PON2: variants seen among roughly 807,000 people sequenced by gnomAD.
The protein encoded by PON2 is paraoxonase 2, also known as serum paraoxonase/arylesterase 2.
A neutral mutation model predicts 36.6 loss-of-function variants in PON2; 27 were observed. That is an observed-to-expected ratio of 0.74 (90% confidence interval 0.54 to 1.02). PON2 has a LOEUF of 1.02. Ranked by LOEUF, PON2 falls within the 50% of genes least tolerant of loss-of-function variation. The pLI is 0.00. For missense variants in PON2, 363 were observed against 421.1 expected, an observed-to-expected ratio of 0.86 and a Z score of 1.21; for synonymous variants, 149 against 156.3, an observed-to-expected ratio of 0.95 and a Z score of 0.35.
intron 2 of PON2, among the ~76,000 whole-genome samples, chr7:95,417,987 T>TA (rs1789109930): frequency 6.6e-6 from 1 of 152,094 alleles, no homozygotes; most frequent in Non-Finnish European, 1.5e-5. Flanking sequence ...AAATCTTTTT[T>TA]TAAAAAAATA....
rs766291307 is a variant in PON2 at position 95,405,416 on chromosome 7, G to A, written c.979C>T (p.Leu327Phe). 1.9e-6 allele frequency: 3 copies of A among 1,613,580 alleles called. No individual in the cohort carries two copies. The highest frequency in any genetic ancestry group is 2.5e-6 in the Non-Finnish European group (3 of 1,179,646). The change falls in exon 9 of 9, where the codon CTC becomes TTC. Residue 327 changes from leucine to phenylalanine, a missense_variant. Physicochemically the swap from Leu to Phe is conservative, Grantham distance 22 (BLOSUM62 0). Coordinates refer to ENST00000222572, the MANE Select transcript of PON2 (RefSeq NM_000305.3). The stretch of plus-strand genomic sequence containing the variant: ...ACTGAGGCTACAGAACTTCCTTGGA[G>A]AACAGACCCATTGTTGGCATAAACT... Reference protein sequence around the residue: ...TTVYANNGSVLQGSSVASVYD... With the variant: ...TTVYANNGSVFQGSSVASVYD...
chr7:95,416,542 C>T (rs1789067268), intron 2 of PON2: 2 of 536,418 alleles, frequency 3.7e-6, no homozygotes, highest in Non-Finnish European at 6.7e-6. Context: ...CACCACATTT[C>T]CAGCTATAAT....
chr7:95,405,888 T>G (rs926341914), intron 8 of PON2, among the ~76,000 whole-genome samples: 2 of 152,238 alleles, frequency 1.3e-5, no homozygotes, highest in Non-Finnish European at 2.9e-5. Context: ...AAAATGCCTT[T>G]TGACTAGTTT....
chr7:95,410,457 C>T (rs1434894509), intron 5 of PON2, among the ~76,000 whole-genome samples: 1 of 152,140 alleles, frequency 6.6e-6, no homozygotes, highest in Non-Finnish European at 1.5e-5. Context: ...TGGAGAGAGC[C>T]TGATTGGCTG....
intron 2 of PON2, among the ~76,000 whole-genome samples, chr7:95,423,442 G>C (rs1416128611): frequency 6.6e-6 from 1 of 151,974 alleles, no homozygotes; most frequent in Non-Finnish European, 1.5e-5. Flanking sequence ...GATGATAAAG[G>C]GTAAAAGACA....
At chr7:95,406,009 T>C in intron 8 of PON2, 110 bp downstream of exon 8, 4 of 1,282,834 alleles carry the variant, frequency 3.1e-6, no homozygotes, top group Non-Finnish European at 4.4e-6. Context: ...ATAAGCTTAT[T>C]ATATTATTGC....
intron 7 of PON2, among the ~76,000 whole-genome samples, chr7:95,406,633 T>G (rs950440660): frequency 1.3e-5 from 2 of 152,212 alleles, no homozygotes; most frequent in African/African-American, 4.8e-5. Flanking sequence ...AATTTCTACC[T>G]TCATGTATTA....
At chr7:95,429,649 C>T (rs568668679) in intron 1 of PON2, among the ~76,000 whole-genome samples, 1 of 152,242 alleles carries the variant, frequency 6.6e-6, no homozygotes, top group East Asian at 1.9e-4. Flanking sequence ...GCCAATATGC[C>T]CCTAAGCAAA....
intron 3 of PON2, chr7:95,416,003 A>C: frequency 3.0e-6 from 2 of 660,538 alleles, no homozygotes; most frequent in South Asian, 2.2e-5. Flanking sequence ...CACAGATTGC[A>C]TTGGAATATT....
chr7:95,434,182 C>A (rs1002618199), intron 1 of PON2: 1 of 152,172 alleles, frequency 6.6e-6, no homozygotes, highest in African/African-American at 2.4e-5. Context: ...TACAGCAAGA[C>A]CCCATCTCTA....
chr7:95,430,661 G>A (rs781782503), intron 1 of PON2, among the ~76,000 whole-genome samples: 51 of 152,116 alleles, frequency 3.4e-4, no homozygotes, highest in Non-Finnish European at 5.0e-4. Context: ...TTAGGAGGCT[G>A]AGGTGGGAGG....
rs779984324 is a variant in PON2 at position 95,407,023 on chromosome 7, C to T, written c.741G>A (p.Leu247=). 1 of 1,594,100 alleles carries T rather than the reference C, an allele frequency of 6.3e-7. No homozygotes were observed. The highest frequency in any genetic ancestry group is 8.6e-7 in the Non-Finnish European group (1 of 1,162,852). ...TTAAATTCATATTAGTGTGTTTTTC[C>T]AAAACATGAATTTCATGAGCCAATA... The part of the protein sequence containing the change: ...ADILAHEIHV[L]EKHTNMNLTQ... The change falls in exon 7 of 9, where the codon TTG becomes TTA. Residue 247 remains leucine (L), a synonymous_variant. Transcript: ENST00000222572.
rs548148926 is a variant in PON2 at position 95,431,630 on chromosome 7, G to C, written c.74+3248C>G. 5.3e-5 allele frequency among the ~76,000 whole-genome samples: 8 copies of C among 152,022 alleles called. 1 individual carries two copies. The East Asian group carries it at 1.6e-3, about 30-fold the overall frequency. ...AGACGGGGTTTCACCATGTTGGCCA[G>C]GCTGGTCTTGAACCCCTGACCTCTA... On this transcript the variant is annotated intron_variant, in intron 1 of 8. Coordinates refer to ENST00000222572, the MANE Select transcript of PON2 (RefSeq NM_000305.3).
intron 2 of PON2, chr7:95,416,537 C>T: frequency 1.8e-6 from 1 of 544,986 alleles, no homozygotes; most frequent in Non-Finnish European, 3.3e-6. Context: ...GTTATCACCA[C>T]ATTTCCAGCT....
At chr7:95,427,524 G>T (rs1277319683) in intron 1 of PON2, among the ~76,000 whole-genome samples, 1 of 152,176 alleles carries the variant, frequency 6.6e-6, no homozygotes, top group Non-Finnish European at 1.5e-5. Context: ...CTTTCTTCAT[G>T]ATTTGAACAC....
intron 1 of PON2, among the ~76,000 whole-genome samples, chr7:95,429,433 T>C (rs944792579): frequency 2.0e-5 from 3 of 152,224 alleles, no homozygotes; most frequent in Non-Finnish European, 2.9e-5. Context: ...CAGTCTATCA[T>C]TGACGGACAT....
chr7:95,410,233 CACG>C (rs1245832609), intron 5 of PON2, 132 bp from the exon 6 acceptor site: 3 of 753,068 alleles, frequency 4.0e-6, no homozygotes, highest in Non-Finnish European at 6.8e-6. Context: ...AGCTAAAAAT[CACG>C]ACTATAGTCA....
Position 95,409,985 on chromosome 7 carries a change from A to T in PON2, c.611T>A (p.Val204Asp). Residue 204 changes from valine to aspartate, a missense_variant, in exon 6 of 9, where the codon GTT becomes GAT. Physicochemically the swap from Val to Asp is radical, Grantham distance 152. Transcript: ENST00000222572. ...AACTTCATTTGGACTGTAGTAAACAACATTTGCCCAGTGTAAGTTCAAGTA... is the reference window on the plus strand; with the variant it reads ...AACTTCATTTGGACTGTAGTAAACATCATTTGCCCAGTGTAAGTTCAAGTA... ...ETYLNLHWAN[V>D]VYYSPNEVKV... 1.2e-6 allele frequency: 2 copies of T among 1,613,864 alleles called. No individual in the cohort carries two copies. The highest frequency in any genetic ancestry group is 1.7e-6 in the Non-Finnish European group (2 of 1,179,864).
At chr7:95,427,598 C>G (rs1789345200) in intron 1 of PON2, among the ~76,000 whole-genome samples, 1 of 152,074 alleles carries the variant, frequency 6.6e-6, no homozygotes, top group African/African-American at 2.4e-5. Flanking sequence ...GCTATAAAGT[C>G]AATAGGGGGA....
Sources: gnomAD v4.1 joint callset for allele counts (sites outside exome capture counted in the v4.1 genomes callset) on GRCh38, gnomAD v4.1.1 for gene constraint, MANE v1.5 for transcripts, NCBI Gene and HGNC (gene_info 2026-07-23, HGNC 2026-07-21) for gene names.